Variants in MCU observed in about 807,000 individuals in gnomAD.
MCU encodes the protein mitochondrial calcium uniporter, also known as calcium uniporter protein, mitochondrial.
In MCU, 12 loss-of-function variants were observed where a neutral mutation model predicts 45.2. The observed-to-expected ratio is 0.27, with a 90% confidence interval of 0.17 to 0.43. The LOEUF (loss-of-function observed/expected upper bound fraction) is 0.43. Ranked by LOEUF, MCU falls within the 20% of genes least tolerant of loss-of-function variation. The pLI is 1.00. For missense variants in MCU, 324 were observed against 436.7 expected (o/e 0.74, Z 2.30); for synonymous variants, 160 against 165.1 (o/e 0.97, Z 0.24).
intron 6 of MCU, among the ~76,000 whole-genome samples, chr10:72,880,963 A>G (rs1845692395): frequency 6.6e-6 from 1 of 152,090 alleles, no homozygotes; most frequent in Non-Finnish European, 1.5e-5. Flanking sequence ...CCCAATAGCT[A>G]AAAAAATTTT....
At chr10:72,741,530 A>G (rs1843332069) in intron 1 of MCU, among the ~76,000 whole-genome samples, 1 of 152,236 alleles carries the variant, frequency 6.6e-6, no homozygotes, top group South Asian at 2.1e-4. Context: ...TTCTTTTGAC[A>G]GTAGAAGATA....
chr10:72,729,605 C>T (rs1001984463), intron 1 of MCU, among the ~76,000 whole-genome samples: 5 of 152,204 alleles, frequency 3.3e-5, no homozygotes, highest in Admixed American at 2.6e-4. Flanking sequence ...GCTTCTTGCT[C>T]ACTCTTTCTC....
At chr10:72,777,428 C>T (rs1418522270) in intron 1 of MCU, among the ~76,000 whole-genome samples, 2 of 152,092 alleles carry the variant, frequency 1.3e-5, no homozygotes, top group South Asian at 4.1e-4. Context: ...GACAAAGGAA[C>T]CAGAACATAC....
intron 1 of MCU, among the ~76,000 whole-genome samples, chr10:72,807,530 A>G (rs2132794518): frequency 6.6e-6 from 1 of 152,286 alleles, no homozygotes; most frequent in South Asian, 2.1e-4. Context: ...AGTGTAATCA[A>G]ACTCCAAAAT....
rs185042686 is a variant in MCU at position 72,868,988 on chromosome 10, T to C, written c.657+125T>C. The C allele has an allele frequency of 1.3e-3, 1,291 of 1,019,040 alleles. 15 individuals are homozygous for C. The highest frequency in any genetic ancestry group is 2.8e-4 in the Non-Finnish European group (201 of 710,960). 63.1% of individuals were successfully genotyped at this position (1,019,040 alleles called of 1,614,324 possible). On this transcript the variant is annotated intron_variant, in intron 5 of 7. Coordinates refer to ENST00000373053, the MANE Select transcript of MCU (RefSeq NM_138357.3). ...TCAATCAAGTTAGTTCTTTAGTTTA[T>C]GGGACTGAACCATAAAAAAGTTTAA... is the stretch of plus-strand genomic sequence containing the variant.
At chr10:72,814,092 G>A (rs1844589196) in intron 1 of MCU, among the ~76,000 whole-genome samples, 1 of 152,162 alleles carries the variant, frequency 6.6e-6, no homozygotes, top group African/African-American at 2.4e-5. Flanking sequence ...AAAAGTAAAG[G>A]CAGTTACACA....
chr10:72,748,238 C>T (rs566111252), intron 1 of MCU, among the ~76,000 whole-genome samples: 6 of 152,108 alleles, frequency 3.9e-5, no homozygotes, highest in Non-Finnish European at 7.4e-5. Flanking sequence ...AGTAGAGATG[C>T]GGTTTCACCA....
intron 2 of MCU, among the ~76,000 whole-genome samples, chr10:72,838,774 G>T (rs965305206): frequency 1.3e-5 from 2 of 152,128 alleles, no homozygotes; most frequent in Non-Finnish European, 2.9e-5. Context: ...GAAAATTCCT[G>T]TTTAATTAAT....
chr10:72,870,338 G>T (rs1438433415), intron 5 of MCU, among the ~76,000 whole-genome samples: 1 of 152,102 alleles, frequency 6.6e-6, no homozygotes, highest in Non-Finnish European at 1.5e-5. Context: ...GAGTGCAGTG[G>T]CACGATCTCG....
chr10:72,744,251 G>C (rs1271624154), intron 1 of MCU, among the ~76,000 whole-genome samples: 1 of 139,698 alleles, frequency 7.2e-6, no homozygotes, highest in Non-Finnish European at 1.5e-5. Flanking sequence ...TTTTTTTAAA[G>C]ATTTTTGGGT....
chr10:72,705,814 G>A (rs967025788), intron 1 of MCU, among the ~76,000 whole-genome samples: 1 of 144,502 alleles, frequency 6.9e-6, no homozygotes, highest in East Asian at 2.0e-4. Context: ...CAAAAACTCC[G>A]TCTCAAAAAA....
chr10:72,750,925 A>T (rs1329890321), intron 1 of MCU, among the ~76,000 whole-genome samples: 1 of 152,188 alleles, frequency 6.6e-6, no homozygotes, highest in East Asian at 1.9e-4. Flanking sequence ...AGCTTATTTC[A>T]CTCAGCACAA....
intron 1 of MCU, among the ~76,000 whole-genome samples, chr10:72,717,336 T>G (rs892837859): frequency 3.9e-5 from 6 of 152,038 alleles, no homozygotes; most frequent in African/African-American, 1.4e-4. Flanking sequence ...CTCGGCTCAC[T>G]GCAACCTCTA....
At chr10:72,701,176 A>G (rs1292248434) in intron 1 of MCU, among the ~76,000 whole-genome samples, 1 of 152,252 alleles carries the variant, frequency 6.6e-6, no homozygotes, top group Non-Finnish European at 1.5e-5. Flanking sequence ...AAGAGAGCAT[A>G]TAGGTTAGCT....
chr10:72,785,061 G>T (rs1289180988), intron 1 of MCU, among the ~76,000 whole-genome samples: 1 of 151,934 alleles, frequency 6.6e-6, no homozygotes, highest in South Asian at 2.1e-4. Context: ...CCTTTTCCAG[G>T]GCTCTTCCTG....
chr10:72,767,799 G>C (rs1345627273), intron 1 of MCU, among the ~76,000 whole-genome samples: 2 of 152,140 alleles, frequency 1.3e-5, no homozygotes, highest in African/African-American at 4.8e-5. Context: ...GATTTCTGAA[G>C]TTTAGTTTTC....
intron 1 of MCU, among the ~76,000 whole-genome samples, chr10:72,749,660 G>C (rs1316509458): frequency 1.3e-5 from 2 of 152,190 alleles, no homozygotes; most frequent in Non-Finnish European, 2.9e-5. Context: ...GAGTGAAAGA[G>C]AGTGCTGACA....
intron 1 of MCU, among the ~76,000 whole-genome samples, chr10:72,810,395 CAT>C (rs1212937347): frequency 4.0e-5 from 6 of 148,590 alleles, no homozygotes; most frequent in East Asian, 2.0e-4. Context: ...AGTCCACTGA[CAT>C]ATGTGAAAGC....
intron 1 of MCU, among the ~76,000 whole-genome samples, chr10:72,785,473 C>T (rs1419337579): frequency 6.6e-6 from 1 of 152,168 alleles, no homozygotes; most frequent in African/African-American, 2.4e-5. Flanking sequence ...GAGATTGTCA[C>T]AGTTAGTGGC....
Sources: allele counts gnomAD v4.1 joint callset (sites outside exome capture counted in the v4.1 genomes callset), GRCh38; gene constraint gnomAD v4.1.1; transcripts MANE v1.5; gene names NCBI Gene and HGNC (gene_info 2026-07-23, HGNC 2026-07-21).